The following CDH7 variants were observed in gnomAD, a reference collection of about 807,000 sequenced individuals.
CDH7 encodes the protein cadherin-7.
In CDH7, 25 loss-of-function variants were observed where a neutral mutation model predicts 71.8. That is an observed-to-expected ratio of 0.35 (90% CI 0.25 to 0.49). The LOEUF (loss-of-function observed/expected upper bound fraction) is 0.49, where lower values mean the gene tolerates loss of function less well. Among genes scored for constraint, CDH7 ranks in the 20% least tolerant of loss-of-function variants. The pLI is 0.99. For missense variants in CDH7, 862 were observed against 974.6 expected (o/e 0.88, Z 1.54); for synonymous variants, 381 against 363.8 (o/e 1.05, Z -0.54).
At chr18:65,769,784 A>G (rs541929545) in intron 2 of CDH7, among the ~76,000 whole-genome samples, 76 of 152,046 alleles carry the variant, frequency 5.0e-4, no homozygotes, top group Non-Finnish European at 6.5e-4. Context: ...CTTAATGCAT[A>G]TGTTTCAGGG....
intron 6 of CDH7, among the ~76,000 whole-genome samples, chr18:65,835,591 C>G (rs560564727): frequency 6.6e-6 from 1 of 152,278 alleles, no homozygotes; most frequent in South Asian, 2.1e-4. Flanking sequence ...GCTTCCCAGA[C>G]AATGTATGAA....
intron 1 of CDH7, among the ~76,000 whole-genome samples, chr18:65,752,137 T>A (rs1915899508): frequency 6.6e-6 from 1 of 152,236 alleles, no homozygotes; most frequent in African/African-American, 2.4e-5. Flanking sequence ...AGTGAGACCT[T>A]TACGTAAGAC....
chr18:65,792,539 A>G (rs1910751527), intron 2 of CDH7, among the ~76,000 whole-genome samples: 2 of 151,968 alleles, frequency 1.3e-5, no homozygotes, highest in Non-Finnish European at 2.9e-5. Context: ...GAATCTATGT[A>G]TCTTCCTTCT....
intron 7 of CDH7, among the ~76,000 whole-genome samples, chr18:65,856,911 A>G (rs1913377051): frequency 6.6e-6 from 1 of 152,032 alleles, no homozygotes; most frequent in Admixed American, 6.6e-5. Flanking sequence ...TGGATTACAG[A>G]TATTTCAAGA....
At chr18:65,781,870 C>T (rs1487137402) in intron 2 of CDH7, among the ~76,000 whole-genome samples, 6 of 113,260 alleles carry the variant, frequency 5.3e-5, no homozygotes, top group Admixed American at 1.8e-4. Context: ...TTCTTTCTCT[C>T]TCTCTCTCTG....
At chr18:65,835,808 C>A (rs925485877) in intron 6 of CDH7, among the ~76,000 whole-genome samples, 2 of 152,164 alleles carry the variant, frequency 1.3e-5, no homozygotes, top group Admixed American at 6.5e-5. Flanking sequence ...GTGGTAGACA[C>A]AATAATGCCT....
At chr18:65,790,241 AAAG>A (rs1289687526) in intron 2 of CDH7, among the ~76,000 whole-genome samples, 1 of 150,062 alleles carries the variant, frequency 6.7e-6, no homozygotes, top group African/African-American at 2.5e-5. Context: ...AAAAAAAAAA[AAAG>A]AAGTTGCCTG....
chr18:65,831,196 C>T (rs1200083755), intron 6 of CDH7, among the ~76,000 whole-genome samples: 1 of 152,034 alleles, frequency 6.6e-6, no homozygotes, highest in Non-Finnish European at 1.5e-5. Context: ...AGCTACAAAA[C>T]AAGTTAAAAA....
At chr18:65,808,535 A>G (rs1911407887) in intron 2 of CDH7, among the ~76,000 whole-genome samples, 1 of 152,220 alleles carries the variant, frequency 6.6e-6, no homozygotes, top group Non-Finnish European at 1.5e-5. Context: ...TAAATCAGGT[A>G]TTCAAGTACT....
intron 5 of CDH7, 66 bp from the exon 6 acceptor site, chr18:65,824,578 C>A: frequency 6.6e-6 from 7 of 1,058,608 alleles, no homozygotes; most frequent in South Asian, 2.3e-5. Context: ...CCAAAATAAC[C>A]CAATATTTAA....
intron 2 of CDH7, among the ~76,000 whole-genome samples, chr18:65,768,780 T>C (rs1916456009): frequency 6.6e-6 from 1 of 152,106 alleles, no homozygotes; most frequent in African/African-American, 2.4e-5. Context: ...AGAAATTGGG[T>C]CCTCATCGTT....
intron 11 of CDH7, among the ~76,000 whole-genome samples, chr18:65,870,703 T>C (rs956831515): frequency 2.6e-5 from 4 of 152,192 alleles, no homozygotes; most frequent in African/African-American, 9.6e-5. Flanking sequence ...TAGATTATCT[T>C]TAATGCCTCA....
At chr18:65,824,869 T>C in intron 6 of CDH7, 38 bp downstream of exon 6, 1 of 1,404,892 alleles carries the variant, frequency 7.1e-7, no homozygotes, top group South Asian at 1.3e-5. Context: ...CACAGATTAC[T>C]GAGAAGTCCT....
intron 2 of CDH7, among the ~76,000 whole-genome samples, chr18:65,777,997 G>A (rs1221262968): frequency 6.6e-6 from 1 of 152,124 alleles, no homozygotes; most frequent in Non-Finnish European, 1.5e-5. Context: ...TGCCAGCCGG[G>A]CGTGGTGGCT....
chr18:65,752,111 A>G (rs1056781117), intron 1 of CDH7, among the ~76,000 whole-genome samples: 1 of 152,254 alleles, frequency 6.6e-6, no homozygotes, highest in African/African-American at 2.4e-5. Context: ...TCTTGTCTCT[A>G]TTAGATCGTT....
At chr18:65,880,262 C>T (rs1165587701) in intron 11 of CDH7, 139 bp from the exon 12 acceptor site, 6 of 815,062 alleles carry the variant, frequency 7.4e-6, no homozygotes, top group African/African-American at 6.9e-5. Flanking sequence ...GCTGTGAATC[C>T]TTGTGGAAGT....
chr18:65,802,588 A>G (rs963580794), intron 2 of CDH7, among the ~76,000 whole-genome samples: 2 of 152,170 alleles, frequency 1.3e-5, no homozygotes, highest in South Asian at 2.1e-4. Context: ...CTTCTGGCCT[A>G]TTTCATGGAG....
At chr18:65,867,622 T>C (rs1192390573) in intron 11 of CDH7, among the ~76,000 whole-genome samples, 1 of 152,226 alleles carries the variant, frequency 6.6e-6, no homozygotes, top group Non-Finnish European at 1.5e-5. Flanking sequence ...AGCTAAATTC[T>C]TTCTGTTCCT....
Position 65,843,821 on chromosome 18 carries a change from T to C in CDH7, c.991T>C (p.Phe331Leu). ...ACGACTTTCTTTACAGGAGCTGGAT[T>C]TTGAAGCCAAAACAAGTTACACGCT... Reference protein sequence around the residue: ...GIITIQKELDFEAKTSYTLRI... With the variant: ...GIITIQKELDLEAKTSYTLRI... Residue 331 changes from phenylalanine to leucine, a missense_variant, in exon 7 of 12, where the codon TTT (phenylalanine) becomes CTT (leucine). Coordinates refer to ENST00000397968, the MANE Select transcript of CDH7 (RefSeq NM_004361.5). The C allele has an allele frequency of 6.6e-7, 1 of 1,507,156 alleles. No individual in the cohort carries two copies. The highest frequency in any genetic ancestry group is 8.9e-7 in the Non-Finnish European group (1 of 1,123,852). 93.4% of individuals were successfully genotyped at this position (1,507,156 alleles called of 1,614,324 possible). A position where few individuals can be genotyped will look rare whatever the true frequency, so the allele number is the denominator to read the frequency against.
Sources: gnomAD v4.1 joint callset for allele counts (sites outside exome capture counted in the v4.1 genomes callset) on GRCh38, gnomAD v4.1.1 for gene constraint, MANE v1.5 for transcripts, NCBI Gene and HGNC (gene_info 2026-07-23, HGNC 2026-07-21) for gene names.